The following DDI2 variants were observed in gnomAD, a reference collection of about 807,000 sequenced individuals.
DDI2 encodes DDI proteasomal shuttling factor 2.
In DDI2, 5 loss-of-function variants were observed where a neutral mutation model predicts 48.1. That is an observed-to-expected ratio of 0.10 (90% CI 0.05 to 0.22). The LOEUF (loss-of-function observed/expected upper bound fraction) is 0.22. Among genes scored for constraint, DDI2 ranks in the 10% least tolerant of loss-of-function variants. The pLI, the probability that DDI2 is intolerant of heterozygous loss-of-function variation, is 1.00. For missense variants in DDI2, 285 were observed against 506.2 expected (o/e 0.56, Z 4.19); for synonymous variants, 205 against 183.6 (o/e 1.12, Z -0.94).
intron 1 of DDI2, among the ~76,000 whole-genome samples, chr1:15,621,257 C>G (rs550855849): frequency 5.3e-5 from 8 of 152,168 alleles, no homozygotes; most frequent in African/African-American, 1.9e-4. Flanking sequence ...GATAATTTAC[C>G]TCTGTAGGTG....
intron 1 of DDI2, among the ~76,000 whole-genome samples, chr1:15,625,313 T>A (rs775821417): frequency 1.3e-5 from 2 of 152,196 alleles, no homozygotes; most frequent in Non-Finnish European, 2.9e-5. Flanking sequence ...ATAGAACTCA[T>A]GTTCCTCAGT....
At chr1:15,633,746 A>G (rs1343860568) in intron 4 of DDI2, 181 bp downstream of exon 4, 1 of 880,638 alleles carries the variant, frequency 1.1e-6, no homozygotes. Context: ...TCGATTTGAC[A>G]TGACAAAGAT....
chr1:15,659,354 C>T (rs1640323561), intron 9 of DDI2, among the ~76,000 whole-genome samples: 1 of 152,102 alleles, frequency 6.6e-6, no homozygotes, highest in Non-Finnish European at 1.5e-5. Context: ...TTTGTAATAT[C>T]CTTAAGAATC....
At chr1:15,657,643 C>A (rs1478910087) in intron 9 of DDI2, among the ~76,000 whole-genome samples, 1 of 152,144 alleles carries the variant, frequency 6.6e-6, no homozygotes, top group Non-Finnish European at 1.5e-5. Context: ...TTATAACTAA[C>A]ACACAAATAC....
At chr1:15,643,774 G>T (rs1403749997) in intron 6 of DDI2, 124 bp downstream of exon 6, 1 of 1,365,752 alleles carries the variant, frequency 7.3e-7, no homozygotes, top group Non-Finnish European at 9.8e-7. Flanking sequence ...AATTTCTTTT[G>T]TGTGGGTATG....
chr1:15,629,892 C>T (rs1012350563), intron 2 of DDI2, among the ~76,000 whole-genome samples: 10 of 151,926 alleles, frequency 6.6e-5, no homozygotes. Flanking sequence ...CGACCACGCC[C>T]AGCTAATTTT....
intron 3 of DDI2, among the ~76,000 whole-genome samples, chr1:15,632,006 A>G (rs1338972187): frequency 6.6e-6 from 1 of 151,646 alleles, no homozygotes; most frequent in Non-Finnish European, 1.5e-5. Context: ...GGGTTTCACC[A>G]TGTTGGCCAG....
intron 2 of DDI2, among the ~76,000 whole-genome samples, chr1:15,628,267 G>C (rs529375429): frequency 2.6e-5 from 4 of 152,266 alleles, no homozygotes; most frequent in South Asian, 2.1e-4. Flanking sequence ...GGCTGGTATA[G>C]ATTAACTACC....
rs750802727 is a variant in DDI2, at chr1:15,617,793, C to G, written c.123C>G (p.Pro41=). Reference sequence around the variant, plus strand: ...TGTGCGAGCTCGAGTCTGGCATCCCCGCAGCCGAGAGCCAGGTACGCCGGG... The same window carrying G: ...TGTGCGAGCTCGAGTCTGGCATCCCGGCAGCCGAGAGCCAGGTACGCCGGG... ...RALCELESGI[P]AAESQIVYAE... The change falls in exon 1 of 10, where the codon CCC becomes CCG. Residue 41 remains proline (P), a synonymous_variant. Transcript: ENST00000480945. 10 of 1,602,586 alleles carry G rather than the reference C, an allele frequency of 6.2e-6. No homozygotes were observed. Among genetic ancestry groups the G allele is most frequent in the South Asian group, 1.1e-5 (1 of 90,334 alleles).
intron 9 of DDI2, 156 bp downstream of exon 9, chr1:15,656,835 T>C: frequency 1.0e-6 from 1 of 981,388 alleles, no homozygotes; most frequent in Non-Finnish European, 1.5e-6. Flanking sequence ...TATTTTGGCA[T>C]GCATACATGG....
intron 2 of DDI2, among the ~76,000 whole-genome samples, chr1:15,628,654 TAGC>T (rs1450165507): frequency 6.6e-6 from 1 of 152,240 alleles, no homozygotes; most frequent in Non-Finnish European, 1.5e-5. Flanking sequence ...GACTCAGGCC[TAGC>T]CCCTCATTCT....
intron 1 of DDI2, among the ~76,000 whole-genome samples, chr1:15,618,643 C>T (rs1007864199): frequency 6.6e-6 from 1 of 152,096 alleles, no homozygotes; most frequent in African/African-American, 2.4e-5. Context: ...GAAGTTCAGC[C>T]TCTCATATTT....
chr1:15,661,660 G>A lies in DDI2; in HGVS notation c.*1870G>A. 6.2e-7 allele frequency: 1 copy of A among 1,614,084 alleles called. No homozygotes were observed. Among genetic ancestry groups the A allele is most frequent in the Non-Finnish European group, 8.5e-7 (1 of 1,180,014 alleles). On this transcript the variant is annotated 3_prime_UTR_variant, in exon 10 of 10. Coordinates refer to ENST00000480945, the MANE Select transcript of DDI2 (RefSeq NM_032341.5). ...AGCTCTTGGAGCTTTGCATCGAGTT[G>A]GTGGGAATGCAGACCTTGCACTTCT...
chr1:15,660,855 C>T lies in DDI2; in HGVS notation c.*1065C>T. 1 of 1,614,150 alleles carries T rather than the reference C, an allele frequency of 6.2e-7. No homozygotes were observed. The highest frequency in any genetic ancestry group is 8.5e-7 in the Non-Finnish European group (1 of 1,180,024). On this transcript the variant is annotated 3_prime_UTR_variant, in exon 10 of 10. Transcript: ENST00000480945. Reference sequence around the variant, plus strand: ...GAACAAATAAAGAATATGGCCATTACTCCTCTCCAAGTCTCTGTGGCAGTT... The same window carrying T: ...GAACAAATAAAGAATATGGCCATTATTCCTCTCCAAGTCTCTGTGGCAGTT...
chr1:15,660,615 G>A lies in DDI2; in HGVS notation c.*825G>A. 1.2e-6 allele frequency: 2 copies of A among 1,614,106 alleles called. No homozygotes were observed. The highest frequency in any genetic ancestry group is 2.2e-5 in the East Asian group (1 of 44,890). On this transcript the variant is annotated 3_prime_UTR_variant, in exon 10 of 10. Coordinates refer to ENST00000480945, the MANE Select transcript of DDI2 (RefSeq NM_032341.5). ...GCTGCTCAAATTCAGAAACATTTAT[G>A]GAAATCGATACAGCTCAACAGTCCC...
At chr1:15,655,338 GC>G in intron 8 of DDI2, among the ~76,000 whole-genome samples, 1 of 152,158 alleles carries the variant, frequency 6.6e-6, no homozygotes, top group East Asian at 1.9e-4. Context: ...CTTCTTTCTG[GC>G]CAAGCATGGT....
intron 2 of DDI2, chr1:15,627,062 C>T (rs1639768940): frequency 2.4e-6 from 1 of 424,236 alleles, no homozygotes; most frequent in Non-Finnish European, 4.2e-6. Context: ...CACAGCAAGC[C>T]CTCAATAAAT....
chr1:15,633,616 A>C (rs1267445535), intron 4 of DDI2, 51 bp downstream of exon 4: 1 of 1,597,106 alleles, frequency 6.3e-7, no homozygotes, highest in Non-Finnish European at 8.5e-7. Context: ...CAGATTTCCC[A>C]GACTGCAGGT....
chr1:15,639,681 T>G (rs67349836), intron 5 of DDI2, among the ~76,000 whole-genome samples: 2 of 151,882 alleles, frequency 1.3e-5, no homozygotes, highest in African/African-American at 2.4e-5. Flanking sequence ...GTAGGCTGAT[T>G]GGGAACTCCT....
Sources: allele counts gnomAD v4.1 joint callset (sites outside exome capture counted in the v4.1 genomes callset), GRCh38; gene constraint gnomAD v4.1.1; transcripts MANE v1.5; gene names NCBI Gene and HGNC (gene_info 2026-07-23, HGNC 2026-07-21).